Variants in GPRC5C observed in about 807,000 individuals in gnomAD.
GPRC5C encodes G protein-coupled receptor family C group 5 member C.
In GPRC5C, 22 loss-of-function variants were observed where a neutral mutation model predicts 31.4. The observed-to-expected ratio is 0.70, with a 90% CI of 0.50 to 1.00. The LOEUF (loss-of-function observed/expected upper bound fraction) is 1.00, where lower values mean the gene tolerates loss of function less well. Among genes scored for constraint, GPRC5C ranks in the 50% least tolerant of loss-of-function variants. The pLI is 0.00. For missense variants in GPRC5C, 557 were observed against 597.2 expected (o/e 0.93, Z 0.70); for synonymous variants, 249 against 257.5 (o/e 0.97, Z 0.32).
In GPRC5C at chr17:74,440,070, G is replaced by T. The variant is rs768756348; in HGVS notation, c.294G>T (p.Leu98=). 41 of 1,613,404 alleles carry T rather than the reference G, an allele frequency of 2.5e-5. No homozygotes were observed. The highest frequency in any genetic ancestry group is 3.5e-5 in the Non-Finnish European group (41 of 1,180,030). ...AGGTATTCTTCCTTCTGGGGACCCT[G>T]GGCCTCTTCTGCCTCGTGTTTGCCT... The part of the protein sequence containing the change: ...GTQVFFLLGT[L]GLFCLVFACV... The change falls in exon 2 of 4, where the codon CTG becomes CTT. Residue 98 remains leucine, a synonymous_variant. Transcript: ENST00000392627. This position sits in a 1 kb window ranked among gnomAD's most constrained non-coding sequence, Gnocchi z 4.4.
Position 74,432,098 on chromosome 17 carries a change from A to C in GPRC5C, c.-76A>C. 6.2e-7 allele frequency: 1 copy of C among 1,613,308 alleles called. No individual in the cohort carries two copies. The highest frequency in any genetic ancestry group is 8.5e-7 in the Non-Finnish European group (1 of 1,179,816). ...CACGCCGGCAGGGCCAGAAACTCCCATCTCCCTCACCAGCCGGAAAGTACG... is the reference window on the plus strand; with the variant it reads ...CACGCCGGCAGGGCCAGAAACTCCCCTCTCCCTCACCAGCCGGAAAGTACG... On this transcript the variant is annotated 5_prime_UTR_variant, in exon 1 of 4. Transcript: ENST00000392627.
rs111693713 is a variant in GPRC5C at position 74,443,798 on chromosome 17, G to C, written c.1052-20G>C. 3 of 1,567,256 alleles carry C rather than the reference G, an allele frequency of 1.9e-6. No individual in the cohort carries two copies. The South Asian group carries it at 3.3e-5, about 17-fold the overall frequency. On this transcript the variant is annotated intron_variant, in intron 2 of 3. Transcript: ENST00000392627. ...CTGAGAGCCCTGGGATCTTCAAACT[G>C]TTCCTGCTTTTCCTTGTAGCTAAGA...
chr17:74,438,947 A>G (rs1319337627), intron 1 of GPRC5C, among the ~76,000 whole-genome samples: 1 of 152,180 alleles, frequency 6.6e-6, no homozygotes, highest in Non-Finnish European at 1.5e-5. Flanking sequence ...AATAAAAGCT[A>G]ATTTTCTTGC....
intron 3 of GPRC5C, chr17:74,446,198 A>C (rs1377865939): frequency 6.6e-6 from 1 of 151,614 alleles, no homozygotes; most frequent in Non-Finnish European, 1.5e-5. Flanking sequence ...CACACCTATA[A>C]TCCCGGCACT....
chr17:74,440,566 A>G lies in GPRC5C; in HGVS notation c.790A>G (p.Thr264Ala), dbSNP rs1250548628. The G allele has an allele frequency of 1.9e-6, 3 of 1,613,970 alleles. No individual in the cohort carries two copies. In the South Asian group the frequency reaches 3.3e-5, roughly 18 times the overall value. Residue 264 changes from threonine (T) to alanine (A), a missense_variant, in exon 2 of 4, where the codon ACT becomes GCT. By Grantham distance (58) the Thr-to-Ala change is moderately conservative (BLOSUM62 0). Transcript: ENST00000392627. This position sits in a 1 kb window ranked among gnomAD's most constrained non-coding sequence, Gnocchi z 4.4. ...AIWVVWIVMYTYGNKQHNSPT... is the reference protein window; with the variant it reads ...AIWVVWIVMYAYGNKQHNSPT... ...ATGGGTGGTGTGGATCGTCATGTAT[A>G]CTTACGGCAACAAGCAGCACAACAG...
intron 2 of GPRC5C, among the ~76,000 whole-genome samples, chr17:74,441,297 AT>A (rs563516682): frequency 1.3e-3 from 191 of 151,964 alleles, no homozygotes; most frequent in Middle Eastern, 3.4e-3. Context: ...AATAAATAAG[AT>A]TTTTTTTCTA....
chr17:74,432,096 C>T lies in GPRC5C; in HGVS notation c.-78C>T. On this transcript the variant is annotated 5_prime_UTR_variant, in exon 1 of 4. Coordinates refer to ENST00000392627, the MANE Select transcript of GPRC5C (RefSeq NM_022036.4). The stretch of plus-strand genomic sequence containing the variant: ...CACACGCCGGCAGGGCCAGAAACTC[C>T]CATCTCCCTCACCAGCCGGAAAGTA... 2 of 1,613,544 alleles carry T rather than the reference C, an allele frequency of 1.2e-6. No homozygotes were observed. Among genetic ancestry groups the T allele is most frequent in the Non-Finnish European group, 1.7e-6 (2 of 1,179,884 alleles).
At chr17:74,435,198 G>A (rs529732663) in intron 1 of GPRC5C, among the ~76,000 whole-genome samples, 169 of 152,152 alleles carry the variant, frequency 1.1e-3, no homozygotes, top group African/African-American at 1.6e-3. Flanking sequence ...CAGCCTGGGC[G>A]ACAGAGCGAG....
At chr17:74,443,773 C>T (rs1166327279) in intron 2 of GPRC5C, 45 bp from the exon 3 acceptor site, 2 of 1,373,494 alleles carry the variant, frequency 1.5e-6, no homozygotes, top group Non-Finnish European at 2.1e-6. Context: ...GGGAAGGGAG[C>T]TGAGAGCCCT....
chr17:74,448,036 C>T (rs139847082), downstream of GPRC5C, among the ~76,000 whole-genome samples: 649 of 152,240 alleles, frequency 4.3e-3, 6 homozygotes, highest in African/African-American at 0.014. Flanking sequence ...ATGCGGGGTG[C>T]GATGGCTCAT....
intron 1 of GPRC5C, chr17:74,433,806 C>A: frequency 7.4e-7 from 1 of 1,353,294 alleles, no homozygotes; most frequent in Non-Finnish European, 1.1e-6. Flanking sequence ...GCTCTCTTTC[C>A]AGTGCGGTAT....
chr17:74,448,932 G>T, downstream of GPRC5C: 1 of 1,277,914 alleles, frequency 7.8e-7, no homozygotes, highest in Non-Finnish European at 1.0e-6. Context: ...CAGTCCAGTG[G>T]GTGGCACTTC....
chr17:74,448,894 C>A, downstream of GPRC5C: 1 of 1,289,878 alleles, frequency 7.8e-7, no homozygotes, highest in South Asian at 1.2e-5. Context: ...GTCCAGCAGC[C>A]TCTCTCCGTG....
chr17:74,444,512 G>A (rs1223406109), intron 3 of GPRC5C, among the ~76,000 whole-genome samples: 1 of 152,170 alleles, frequency 6.6e-6, no homozygotes, highest in South Asian at 2.1e-4. Context: ...TCCTCCTCCC[G>A]GCTGGCAGAG....
downstream of GPRC5C, chr17:74,448,724 G>A (rs968626723): frequency 6.2e-6 from 3 of 486,008 alleles, no homozygotes; most frequent in Non-Finnish European, 1.2e-5. Context: ...AGGTGGGAAG[G>A]ACTAGTATTC....
chr17:74,447,397 GGGTGCCTA>G lies in GPRC5C; in HGVS notation c.*370_*377del. On this transcript the variant is annotated 3_prime_UTR_variant, in exon 4 of 4. Coordinates refer to ENST00000392627, the MANE Select transcript of GPRC5C (RefSeq NM_022036.4). Reference sequence around the variant, plus strand: ...GATCTTGCTCCTCTGTGAGGAACAAGGGTGCCTAATAAATACATTTCTGCTTTATTAAC... The same window carrying G: ...GATCTTGCTCCTCTGTGAGGAACAAGATAAATACATTTCTGCTTTATTAAC... 2 of 1,011,084 alleles carry G rather than the reference GGGTGCCTA, an allele frequency of 2.0e-6. No homozygotes were observed. The highest frequency in any genetic ancestry group is 1.7e-4 in the East Asian group (2 of 11,534). 62.6% of individuals were successfully genotyped at this position (1,011,084 alleles called of 1,614,324 possible).
chr17:74,436,012 C>T lies in GPRC5C; in HGVS notation c.-32-3733C>T, dbSNP rs1220396856. Among the ~76,000 whole-genome samples, 4 of 152,184 alleles carry T rather than the reference C, an allele frequency of 2.6e-5. No individual in the cohort carries two copies. The South Asian group carries it at 6.2e-4, about 24-fold the overall frequency. ...GGAATGAATGTGCCCCCCAACAAAT[C>T]GATTGCCTGTGCATTTTTGCCAGAC... On this transcript the variant is annotated intron_variant, in intron 1 of 3. Transcript: ENST00000392627.
intron 3 of GPRC5C, chr17:74,446,571 A>C: frequency 2.6e-6 from 1 of 384,526 alleles, no homozygotes; most frequent in East Asian, 4.3e-5. Flanking sequence ...AATTGGAAGT[A>C]GGAGGGTCTT....
chr17:74,438,250 TATTTGTTG>T (rs1253352176), intron 1 of GPRC5C, among the ~76,000 whole-genome samples: 3 of 107,898 alleles, frequency 2.8e-5, no homozygotes, highest in Admixed American at 9.2e-5. Context: ...TATATATATA[TATTTGTTG>T]TTGTTGTTGT....
Sources: allele counts gnomAD v4.1 joint callset (sites outside exome capture counted in the v4.1 genomes callset), GRCh38; gene constraint gnomAD v4.1.1; non-coding constraint Gnocchi (gnomAD v3.1); transcripts MANE v1.5; gene names NCBI Gene and HGNC (gene_info 2026-07-23, HGNC 2026-07-21).